Variants in DOCK2 observed in about 807,000 individuals in gnomAD.
The protein encoded by DOCK2 is dedicator of cytokinesis 2.
DOCK2 carries 87 observed loss-of-function variants against 248.9 expected under a neutral mutation model. The observed-to-expected ratio is 0.35, with a 90% CI of 0.29 to 0.42. The LOEUF is 0.42. DOCK2 is among the 10% of genes least tolerant of loss of function. DOCK2 has a pLI of 1.00. For synonymous variants in DOCK2, 805 were observed against 821.6 expected (o/e 0.98, Z 0.35); for missense variants, 1,747 against 2,300.2 (o/e 0.76, Z 4.92).
chr5:170,041,786 G>A (rs192005840), intron 37 of DOCK2, among the ~76,000 whole-genome samples: 68 of 152,326 alleles, frequency 4.5e-4, no homozygotes, highest in African/African-American at 1.6e-3. Context: ...GGACATTAGT[G>A]CTGCCTGGAG....
chr5:170,020,050 A>T (rs201496440), intron 33 of DOCK2, among the ~76,000 whole-genome samples: 2 of 152,002 alleles, frequency 1.3e-5, no homozygotes, highest in Non-Finnish European at 2.9e-5. Flanking sequence ...TCCTTTACCC[A>T]TTAATACCCT....
chr5:170,017,579 T>C (rs1188457974), intron 32 of DOCK2, among the ~76,000 whole-genome samples: 1 of 152,240 alleles, frequency 6.6e-6, no homozygotes, highest in African/African-American at 2.4e-5. Context: ...CTGTAGAAAG[T>C]GGGCTATGTG....
intron 13 of DOCK2, 125 bp from the exon 14 acceptor site, chr5:169,702,178 T>G: frequency 8.0e-7 from 1 of 1,247,126 alleles, no homozygotes; most frequent in Non-Finnish European, 1.1e-6. Flanking sequence ...TCTAAGCAAT[T>G]CTGATTTTAA....
intron 25 of DOCK2, among the ~76,000 whole-genome samples, chr5:169,786,935 G>A (rs943656779): frequency 6.6e-6 from 1 of 152,200 alleles, no homozygotes; most frequent in East Asian, 1.9e-4. Context: ...TACCCAGAAA[G>A]TTACATATAA....
chr5:169,699,323 C>T (rs1295110101), intron 11 of DOCK2, 59 bp from the exon 12 acceptor site: 1 of 1,548,620 alleles, frequency 6.5e-7, no homozygotes, highest in African/African-American at 1.4e-5. Context: ...ATTCATGGGA[C>T]CCCTTGAAAC....
chr5:169,865,209 T>C (rs1282649164), intron 27 of DOCK2, among the ~76,000 whole-genome samples: 6 of 152,222 alleles, frequency 3.9e-5, no homozygotes, highest in Non-Finnish European at 8.8e-5. Flanking sequence ...GCTATTTTAC[T>C]TGTGTGTTTT....
At chr5:169,870,704 TA>T (rs945178728) in intron 27 of DOCK2, among the ~76,000 whole-genome samples, 8 of 152,152 alleles carry the variant, frequency 5.3e-5, no homozygotes, top group African/African-American at 1.9e-4. Flanking sequence ...CTGCACCCAT[TA>T]ACTCATCATT....
chr5:169,699,279 CTT>C, intron 11 of DOCK2, 101 bp from the exon 12 acceptor site: 1 of 1,141,528 alleles, frequency 8.8e-7, no homozygotes, highest in South Asian at 1.6e-5. Flanking sequence ...TGCAAACTCA[CTT>C]TTCACCTGAG....
intron 25 of DOCK2, among the ~76,000 whole-genome samples, chr5:169,797,151 G>A (rs1254815478): frequency 6.6e-6 from 1 of 152,230 alleles, no homozygotes; most frequent in Non-Finnish European, 1.5e-5. Context: ...TCTTTGCTTG[G>A]TTGACTGTGT....
rs1307001676 is a variant in DOCK2 at position 169,821,805 on chromosome 5, T to G, written c.2703+18599T>G. The stretch of plus-strand genomic sequence containing the variant: ...AATGTAAATGGGCTAAATGCTCCAA[T>G]TAAAAGACACAGACTGGCAAATTGG... On this transcript the variant is annotated intron_variant, in intron 26 of 51. Transcript: ENST00000520908. Among the ~76,000 whole-genome samples the G allele has an allele frequency of 1.5e-4, 23 of 152,292 alleles. No homozygotes were observed. In the East Asian group the frequency reaches 4.3e-3, roughly 28 times the overall value.
At chr5:169,988,012 G>A (rs920011032) in intron 29 of DOCK2, among the ~76,000 whole-genome samples, 1 of 152,128 alleles carries the variant, frequency 6.6e-6, no homozygotes, top group Non-Finnish European at 1.5e-5. Context: ...GATAGAATGA[G>A]TTACTCCTTA....
At chr5:169,999,666 A>G (rs1754767097) in intron 30 of DOCK2, among the ~76,000 whole-genome samples, 1 of 152,200 alleles carries the variant, frequency 6.6e-6, no homozygotes, top group South Asian at 2.1e-4. Flanking sequence ...AAAGTACCCA[A>G]GAACAGGATC....
rs1026545477 is a variant in DOCK2 at position 169,702,412 on chromosome 5, T to C, written c.1368T>C (p.Asp456=). 3 of 1,613,810 alleles carry C rather than the reference T, an allele frequency of 1.9e-6. No individual in the cohort carries two copies. In the African/African-American group the frequency reaches 4.0e-5, roughly 22 times the overall value. The change falls in exon 14 of 52, where the codon GAT becomes GAC. Residue 456 remains aspartate (D), a synonymous_variant. Transcript: ENST00000520908. ...TCATCATGTGTGTGTGCGCGGAGGA[T>C]GGCAAAACGCTGCCTGTAAGGGACT... The part of the protein sequence containing the change: ...VEVIMCVCAE[D]GKTLPNAICV...
chr5:169,930,237 G>A (rs944764152), intron 27 of DOCK2, among the ~76,000 whole-genome samples: 1 of 152,126 alleles, frequency 6.6e-6, no homozygotes, highest in Non-Finnish European at 1.5e-5. Context: ...TGATCCGCCT[G>A]CCTCGGCCTC....
At chr5:169,700,618 T>A (rs1760910816) in intron 13 of DOCK2, among the ~76,000 whole-genome samples, 1 of 152,136 alleles carries the variant, frequency 6.6e-6, no homozygotes, top group Admixed American at 6.5e-5. Flanking sequence ...TGTTAAAAGT[T>A]CCTTTATATC....
chr5:170,021,459 C>A (rs1293914897), intron 33 of DOCK2, among the ~76,000 whole-genome samples: 1 of 152,298 alleles, frequency 6.6e-6, no homozygotes, highest in Non-Finnish European at 1.5e-5. Flanking sequence ...AGAAATAAGA[C>A]CTGGTCGTTG....
chr5:169,922,225 A>G (rs1327919202), intron 27 of DOCK2, among the ~76,000 whole-genome samples: 1 of 152,230 alleles, frequency 6.6e-6, no homozygotes, highest in African/African-American at 2.4e-5. Context: ...CACATTGCCT[A>G]AAGGTATTTA....
intron 27 of DOCK2, among the ~76,000 whole-genome samples, chr5:169,913,843 G>C (rs1387733920): frequency 6.6e-6 from 1 of 152,142 alleles, no homozygotes; most frequent in Non-Finnish European, 1.5e-5. Flanking sequence ...TCCCATTTAA[G>C]AACTTTTTGT....
At chr5:169,730,039 C>A (rs1236563073) in intron 22 of DOCK2, among the ~76,000 whole-genome samples, 3 of 152,208 alleles carry the variant, frequency 2.0e-5, no homozygotes, top group African/African-American at 7.2e-5. Context: ...TCACTGCAGC[C>A]TCTGCCTCCT....
Sources: allele counts gnomAD v4.1 joint callset (sites outside exome capture counted in the v4.1 genomes callset), GRCh38; gene constraint gnomAD v4.1.1; transcripts MANE v1.5; gene names NCBI Gene and HGNC (gene_info 2026-07-23, HGNC 2026-07-21).